The following GRIN2A variants were observed in gnomAD, a reference collection of about 807,000 sequenced individuals.
GRIN2A encodes the protein glutamate ionotropic receptor NMDA type subunit 2A.
Under a neutral mutation model 113.4 loss-of-function variants are expected in GRIN2A, and 22 were observed. The ratio of observed to expected loss-of-function variants is 0.19; its 90% CI spans 0.14 to 0.28. The LOEUF is 0.28. GRIN2A is among the 10% of genes least tolerant of loss of function. The pLI is 1.00. For missense variants in GRIN2A, 1,502 were observed against 1,887.0 expected, an observed-to-expected ratio of 0.80 and a Z score of 3.78; for synonymous variants, 827 against 738.4, an observed-to-expected ratio of 1.12 and a Z score of -1.94.
intron 3 of GRIN2A, among the ~76,000 whole-genome samples, chr16:9,910,186 TTG>T (rs1448839424): frequency 1.9e-3 from 284 of 152,306 alleles, no homozygotes; most frequent in Middle Eastern, 6.8e-3. Context: ...TTTTCAGTTT[TTG>T]TTTGAATACC....
At chr16:9,971,438 T>C (rs1183017980) in intron 2 of GRIN2A, among the ~76,000 whole-genome samples, 1 of 152,240 alleles carries the variant, frequency 6.6e-6, no homozygotes, top group Non-Finnish European at 1.5e-5. Context: ...AGCCCAACTG[T>C]GCTCTCAGGG....
At chr16:10,123,653 A>G (rs1223938259) in intron 2 of GRIN2A, among the ~76,000 whole-genome samples, 1 of 152,142 alleles carries the variant, frequency 6.6e-6, no homozygotes, top group East Asian at 1.9e-4. Flanking sequence ...GTCAGTCTGG[A>G]TGGGACCTGA....
chr16:9,994,591 A>G (rs1453757785), intron 2 of GRIN2A, among the ~76,000 whole-genome samples: 1 of 152,188 alleles, frequency 6.6e-6, no homozygotes, highest in Non-Finnish European at 1.5e-5. Flanking sequence ...AGATGAGGGA[A>G]ATTATTGATT....
intron 2 of GRIN2A, among the ~76,000 whole-genome samples, chr16:10,091,158 T>G (rs1365242014): frequency 1.3e-5 from 2 of 152,164 alleles, no homozygotes; most frequent in East Asian, 3.8e-4. Context: ...ACTTAAAACG[T>G]AAAGTTACTA....
At chr16:10,059,105 G>A (rs1278855299) in intron 2 of GRIN2A, among the ~76,000 whole-genome samples, 1 of 152,186 alleles carries the variant, frequency 6.6e-6, no homozygotes, top group African/African-American at 2.4e-5. Context: ...CAGGAGGACA[G>A]TCCATGTTGC....
At chr16:9,956,097 C>A (rs1567198909) in intron 2 of GRIN2A, among the ~76,000 whole-genome samples, 1 of 152,174 alleles carries the variant, frequency 6.6e-6, no homozygotes, top group Non-Finnish European at 1.5e-5. Context: ...CTCCTAGCTG[C>A]TACTGGGTGA....
intron 4 of GRIN2A, among the ~76,000 whole-genome samples, chr16:9,875,368 T>C (rs559241353): frequency 1.3e-5 from 2 of 152,292 alleles, no homozygotes; most frequent in South Asian, 4.1e-4. Context: ...TTTCTCCCCC[T>C]GTTCCAAACC....
intron 12 of GRIN2A, among the ~76,000 whole-genome samples, chr16:9,766,730 A>AAAT (rs2141143022): frequency 6.6e-6 from 1 of 152,332 alleles, no homozygotes; most frequent in African/African-American, 2.4e-5. Flanking sequence ...TCAAAAAAAT[A>AAAT]AATAAGTAAA....
intron 10 of GRIN2A, among the ~76,000 whole-genome samples, chr16:9,817,830 G>A (rs935644787): frequency 6.6e-6 from 1 of 152,224 alleles, no homozygotes; most frequent in Non-Finnish European, 1.5e-5. Flanking sequence ...TGAAACGTGT[G>A]GGTGGAGCAG....
intron 2 of GRIN2A, among the ~76,000 whole-genome samples, chr16:10,062,749 C>T (rs573036430): frequency 3.1e-4 from 47 of 152,018 alleles, no homozygotes; most frequent in African/African-American, 9.9e-4. Context: ...TCTATAATCC[C>T]GGCTACTCGG....
intron 2 of GRIN2A, among the ~76,000 whole-genome samples, chr16:10,154,587 A>T (rs2049650594): frequency 6.6e-6 from 1 of 151,992 alleles, no homozygotes; most frequent in South Asian, 2.1e-4. Flanking sequence ...TTATGGAATG[A>T]CTCACTGAAC....
At chr16:9,953,701 A>C (rs1350371873) in intron 2 of GRIN2A, among the ~76,000 whole-genome samples, 1 of 152,186 alleles carries the variant, frequency 6.6e-6, no homozygotes, top group East Asian at 1.9e-4. Context: ...AAAGCCGGGG[A>C]ATGCGATAAC....
Position 10,087,712 on chromosome 16 carries a change from C to T in GRIN2A, c.414+92286G>A, listed in dbSNP as rs181145005. On this transcript the variant is annotated intron_variant, in intron 2 of 12. Transcript: ENST00000330684. ...TTTATTTTTGGGCAGGGTTGGGGAA[C>T]AGGGTCTTACTCTGTGACCCAGGCT... Among the ~76,000 whole-genome samples the T allele has an allele frequency of 1.9e-3, 296 of 152,196 alleles. 1 individual carries two copies. The highest frequency in any genetic ancestry group is 3.8e-3 in the Admixed American group (58 of 15,284).
chr16:9,985,901 C>G (rs2045971734), intron 2 of GRIN2A, among the ~76,000 whole-genome samples: 1 of 152,164 alleles, frequency 6.6e-6, no homozygotes, highest in African/African-American at 2.4e-5. Context: ...CCCATCTACT[C>G]TGATGTGACT....
In GRIN2A at chr16:9,798,762, G is replaced by T. The variant is rs1435617451; in HGVS notation, c.2169-298C>A. Reference sequence around the variant, plus strand: ...TAAGTGTTTGTCCTTAACACTCCCAGTGGTGGAGGACAGTGCCCTATTTAG... The same window carrying T: ...TAAGTGTTTGTCCTTAACACTCCCATTGGTGGAGGACAGTGCCCTATTTAG... On this transcript the variant is annotated intron_variant, in intron 10 of 12. Coordinates refer to ENST00000330684, the MANE Select transcript of GRIN2A (RefSeq NM_001134407.3). Among the ~76,000 whole-genome samples, 4 of 152,228 alleles carry T rather than the reference G, an allele frequency of 2.6e-5. No individual in the cohort carries two copies. The East Asian group carries it at 7.7e-4, about 29-fold the overall frequency.
At chr16:10,064,208 A>C (rs2047604393) in intron 2 of GRIN2A, among the ~76,000 whole-genome samples, 1 of 151,876 alleles carries the variant, frequency 6.6e-6, no homozygotes, top group African/African-American at 2.4e-5. Context: ...TCAGGGGCTG[A>C]CTCTTCTATT....
At chr16:10,116,827 TG>T (rs1022758160) in intron 2 of GRIN2A, among the ~76,000 whole-genome samples, 2 of 152,028 alleles carry the variant, frequency 1.3e-5, no homozygotes, top group African/African-American at 4.8e-5. Context: ...AAGACAGTTC[TG>T]GGGGGCATTT....
At chr16:10,099,101 G>T (rs989558597) in intron 2 of GRIN2A, among the ~76,000 whole-genome samples, 3 of 152,164 alleles carry the variant, frequency 2.0e-5, no homozygotes, top group African/African-American at 7.2e-5. Flanking sequence ...TCACAGCAAA[G>T]AAATTTCTAA....
intron 2 of GRIN2A, among the ~76,000 whole-genome samples, chr16:10,016,895 A>C (rs2046621342): frequency 6.6e-6 from 1 of 152,204 alleles, no homozygotes. Flanking sequence ...CACAGAAGAC[A>C]AGCCTCCTAC....
Sources: allele counts gnomAD v4.1 joint callset (sites outside exome capture counted in the v4.1 genomes callset), GRCh38; gene constraint gnomAD v4.1.1; transcripts MANE v1.5; gene names NCBI Gene and HGNC (gene_info 2026-07-23, HGNC 2026-07-21).